SLC71A1: variants seen among roughly 807,000 people sequenced by gnomAD.
The protein encoded by SLC71A1 is hippocampus abundant gene transcript 1.
chr1:100,072,691 G>A, the SLC71A1 span, among the ~76,000 whole-genome samples: 18 of 152,106 alleles, frequency 1.2e-4, no homozygotes, highest in African/African-American at 3.9e-4. Flanking sequence ...TCTGGTAACC[G>A]GGTGTGGGCC....
chr1:100,048,794 A>G, the SLC71A1 span, among the ~76,000 whole-genome samples: 9 of 152,098 alleles, frequency 5.9e-5, no homozygotes, highest in African/African-American at 9.7e-5. Context: ...ATTTGCTGCT[A>G]ATTGTTTTAA....
chr1:100,041,698 C>T, the SLC71A1 span, among the ~76,000 whole-genome samples: 1 of 152,080 alleles, frequency 6.6e-6, no homozygotes, highest in African/African-American at 2.4e-5. Flanking sequence ...CCAGTGTGGG[C>T]AGATCACTTG....
the SLC71A1 span, among the ~76,000 whole-genome samples, chr1:100,039,912 T>A: frequency 6.6e-6 from 1 of 152,244 alleles, no homozygotes; most frequent in African/African-American, 2.4e-5. Flanking sequence ...TCTTTCCAAA[T>A]CCTGTGAGTT....
chr1:100,041,235 T>C, the SLC71A1 span, among the ~76,000 whole-genome samples: 1 of 152,246 alleles, frequency 6.6e-6, no homozygotes, highest in Non-Finnish European at 1.5e-5. Context: ...GATTTTTTTA[T>C]TGAAATTGTA....
the SLC71A1 span, chr1:100,061,983 C>T: frequency 8.3e-7 from 1 of 1,197,864 alleles, no homozygotes; most frequent in African/African-American, 1.5e-5. Context: ...TTTGTATCTG[C>T]TGAGAAATGC....
At chr1:100,045,427 C>A in the SLC71A1 span, among the ~76,000 whole-genome samples, 1 of 152,128 alleles carries the variant, frequency 6.6e-6, no homozygotes, top group Non-Finnish European at 1.5e-5. Context: ...GGTATACAGT[C>A]ATATCATTGG....
the SLC71A1 span, among the ~76,000 whole-genome samples, chr1:100,052,865 C>T: frequency 2.0e-5 from 3 of 151,808 alleles, no homozygotes; most frequent in African/African-American, 7.3e-5. Flanking sequence ...CTCACTGCAA[C>T]CTCCACCTCC....
the SLC71A1 span, among the ~76,000 whole-genome samples, chr1:100,046,660 G>A: frequency 6.6e-6 from 1 of 152,168 alleles, no homozygotes; most frequent in African/African-American, 2.4e-5. Flanking sequence ...CATTGAATCT[G>A]TAGATTGCTT....
chr1:100,041,322 G>A, the SLC71A1 span, among the ~76,000 whole-genome samples: 2 of 152,162 alleles, frequency 1.3e-5, no homozygotes, highest in Admixed American at 1.3e-4. Flanking sequence ...ACCTATGTGA[G>A]TAGACACAAT....
At chr1:100,056,346 T>C in the SLC71A1 span, among the ~76,000 whole-genome samples, 1 of 152,232 alleles carries the variant, frequency 6.6e-6, no homozygotes, top group East Asian at 1.9e-4. Flanking sequence ...AATGACAGGA[T>C]CTCATTCTTT....
the SLC71A1 span, chr1:100,080,545 G>A: frequency 6.2e-7 from 1 of 1,614,034 alleles, no homozygotes; most frequent in Non-Finnish European, 8.5e-7. Context: ...GCAATGGTCT[G>A]GGACCGGCCC....
chr1:100,041,767 T>C, the SLC71A1 span, among the ~76,000 whole-genome samples: 1 of 152,016 alleles, frequency 6.6e-6, no homozygotes, highest in Admixed American at 6.5e-5. Context: ...TTACCAAAAT[T>C]ACAAAAATGA....
chr1:100,080,500 C>T, the SLC71A1 span: 51 of 1,611,552 alleles, frequency 3.2e-5, no homozygotes, highest in Middle Eastern at 1.6e-4. Context: ...ATGTAGGTGT[C>T]GTTCAAGGAA....
the SLC71A1 span, among the ~76,000 whole-genome samples, chr1:100,042,172 A>G: frequency 6.6e-6 from 1 of 152,224 alleles, no homozygotes; most frequent in East Asian, 1.9e-4. Context: ...TATGATCTTT[A>G]TTGTTTTGGC....
chr1:100,068,640 T>C, the SLC71A1 span: 1 of 979,198 alleles, frequency 1.0e-6, no homozygotes, highest in African/African-American at 1.6e-5. Context: ...AGTGCTTTAA[T>C]AAAAATATTT....
the SLC71A1 span, among the ~76,000 whole-genome samples, chr1:100,081,365 GATTTT>G: frequency 0.03 from 4,522 of 152,144 alleles, 89 homozygotes; most frequent in Non-Finnish European, 0.047. Context: ...TATGCTACCT[GATTTT>G]ATTTTGTTTT....
the SLC71A1 span, among the ~76,000 whole-genome samples, chr1:100,060,317 T>C: frequency 6.6e-6 from 1 of 152,212 alleles, no homozygotes; most frequent in African/African-American, 2.4e-5. Flanking sequence ...TTTTCTTGTA[T>C]AGAATGTTAA....
the SLC71A1 span, among the ~76,000 whole-genome samples, chr1:100,061,102 AT>A: frequency 6.6e-6 from 1 of 152,318 alleles, no homozygotes; most frequent in South Asian, 2.1e-4. Context: ...TGTTAGAAAA[AT>A]TTTAGTAGTG....
At chr1:100,038,131 C>G in the SLC71A1 span, 1 of 1,051,676 alleles carries the variant, frequency 9.5e-7, no homozygotes, top group East Asian at 2.6e-5. Context: ...CGGCGGGCGC[C>G]CAGAGCGGCT....
Sources: gnomAD v4.1 joint callset for allele counts (sites outside exome capture counted in the v4.1 genomes callset) on GRCh38, gnomAD v4.1.1 for gene constraint, MANE v1.5 for transcripts, NCBI Gene and HGNC (gene_info 2026-07-23, HGNC 2026-07-21) for gene names.